LSAMP: variants seen among roughly 807,000 people sequenced by gnomAD.
LSAMP encodes the protein limbic system-associated membrane protein.
In LSAMP, 7 loss-of-function variants were observed where a neutral mutation model predicts 38.6. That is an observed-to-expected ratio of 0.18 (90% CI 0.10 to 0.34). The LOEUF (loss-of-function observed/expected upper bound fraction) is 0.34, where lower values mean the gene tolerates loss of function less well. LSAMP is among the 10% of genes least tolerant of loss of function. The pLI is 1.00. For synonymous variants in LSAMP, 154 were observed against 166.8 expected (o/e 0.92, Z 0.59); for missense variants, 313 against 420.0 (o/e 0.75, Z 2.23).
intron 1 of LSAMP, among the ~76,000 whole-genome samples, chr3:116,387,560 G>C (rs574109037): frequency 1.3e-5 from 2 of 152,192 alleles, no homozygotes; most frequent in South Asian, 4.1e-4. Flanking sequence ...TTAGTCCAAA[G>C]GTTCCGTACA....
At chr3:116,263,506 C>G (rs1461992589) in intron 1 of LSAMP, among the ~76,000 whole-genome samples, 1 of 150,824 alleles carries the variant, frequency 6.6e-6, no homozygotes, top group African/African-American at 2.4e-5. Context: ...CCACTGCACT[C>G]CAGCCTGAGT....
intron 6 of LSAMP, among the ~76,000 whole-genome samples, chr3:115,817,125 T>C (rs1934055820): frequency 6.6e-6 from 1 of 152,246 alleles, no homozygotes; most frequent in Non-Finnish European, 1.5e-5. Context: ...TGGAATATTC[T>C]TCCCCTAGAT....
In LSAMP at chr3:115,958,550, A is replaced by T. The variant is rs1285946899; in HGVS notation, c.514+60965T>A. ...GAAAATGGAGGTTGATATGAGGTTG[A>T]TATAACTTGCCCGAAGGTCAGCCAG... On this transcript the variant is annotated intron_variant, in intron 3 of 6. Coordinates refer to ENST00000490035, the MANE Select transcript of LSAMP (RefSeq NM_002338.5). 2.6e-5 allele frequency among the ~76,000 whole-genome samples: 4 copies of T among 152,150 alleles called. No individual in the cohort carries two copies. In the East Asian group the frequency reaches 7.7e-4, roughly 29 times the overall value.
chr3:116,118,129 T>C (rs1708794585), intron 1 of LSAMP, among the ~76,000 whole-genome samples: 2 of 152,160 alleles, frequency 1.3e-5, no homozygotes, highest in Admixed American at 6.5e-5. Context: ...CCTTTAACTA[T>C]ATCTGGGGTC....
chr3:116,422,698 T>C (rs2049143673), intron 1 of LSAMP, among the ~76,000 whole-genome samples: 1 of 152,188 alleles, frequency 6.6e-6, no homozygotes, highest in South Asian at 2.1e-4. Flanking sequence ...TTACTGATAA[T>C]GAATTGAAAT....
chr3:116,421,528 G>C (rs1279267081), intron 1 of LSAMP, among the ~76,000 whole-genome samples: 2 of 122,964 alleles, frequency 1.6e-5, no homozygotes, highest in Non-Finnish European at 3.3e-5. Context: ...TGGGCAACAA[G>C]AGCAAGATTC....
intron 1 of LSAMP, among the ~76,000 whole-genome samples, chr3:116,284,657 C>G (rs2047170706): frequency 6.6e-6 from 1 of 152,088 alleles, no homozygotes; most frequent in Non-Finnish European, 1.5e-5. Context: ...AAGGATAAAC[C>G]CTGCATTTAA....
chr3:116,052,838 T>C (rs138368202), intron 2 of LSAMP, among the ~76,000 whole-genome samples: 21 of 152,300 alleles, frequency 1.4e-4, no homozygotes, highest in African/African-American at 3.6e-4. Flanking sequence ...CGGAATTTGA[T>C]TGTACATGCT....
At chr3:116,193,559 T>A (rs764310722) in intron 1 of LSAMP, among the ~76,000 whole-genome samples, 1 of 152,120 alleles carries the variant, frequency 6.6e-6, no homozygotes, top group Non-Finnish European at 1.5e-5. Context: ...AAAAGTATAT[T>A]TACAAACAAA....
At chr3:116,248,873 C>T (rs190096802) in intron 1 of LSAMP, among the ~76,000 whole-genome samples, 8 of 152,016 alleles carry the variant, frequency 5.3e-5, no homozygotes, top group Non-Finnish European at 8.8e-5. Context: ...AACTGCCAGG[C>T]GCGGTGGCTC....
At chr3:116,256,800 G>GGAGA (rs2107654193) in intron 1 of LSAMP, among the ~76,000 whole-genome samples, 1 of 55,566 alleles carries the variant, frequency 1.8e-5, no homozygotes, top group African/African-American at 4.8e-5. Flanking sequence ...CAAGTGAGGA[G>GGAGA]GAGAGAGGAT....
intron 2 of LSAMP, among the ~76,000 whole-genome samples, chr3:116,040,394 G>T (rs896098221): frequency 8.5e-5 from 13 of 152,158 alleles, no homozygotes; most frequent in African/African-American, 1.4e-4. Context: ...AAGGAGAAAT[G>T]ACTGCTATCT....
chr3:116,334,993 A>G (rs1189237044), intron 1 of LSAMP, among the ~76,000 whole-genome samples: 2 of 152,092 alleles, frequency 1.3e-5, no homozygotes, highest in Non-Finnish European at 2.9e-5. Context: ...TAATAGTTCC[A>G]CAAAAAACCT....
At chr3:116,274,954 C>A (rs201974928) in intron 1 of LSAMP, among the ~76,000 whole-genome samples, 363 of 136,024 alleles carry the variant, frequency 2.7e-3, no homozygotes, top group East Asian at 4.0e-3. Flanking sequence ...TAAAAATAGC[C>A]AAAAAAAAAA....
chr3:116,225,601 A>C (rs1374453073), intron 1 of LSAMP, among the ~76,000 whole-genome samples: 1 of 152,200 alleles, frequency 6.6e-6, no homozygotes, highest in Non-Finnish European at 1.5e-5. Flanking sequence ...ATGTAGAAAA[A>C]TATACTTTGT....
chr3:116,217,963 A>G (rs1481506217), intron 1 of LSAMP, among the ~76,000 whole-genome samples: 2 of 152,170 alleles, frequency 1.3e-5, no homozygotes, highest in Non-Finnish European at 2.9e-5. Context: ...GGTGAAAAGA[A>G]CCACATTTTT....
intron 1 of LSAMP, among the ~76,000 whole-genome samples, chr3:116,366,128 A>C (rs566167006): frequency 1.3e-5 from 2 of 151,888 alleles, no homozygotes; most frequent in Non-Finnish European, 2.9e-5. Flanking sequence ...TCCATCTCAC[A>C]AAAGTCTAAT....
rs541991298 is a variant in LSAMP, at chr3:116,001,240, AT to A, written c.514+18274del. Among the ~76,000 whole-genome samples, 12 of 152,312 alleles carry A rather than the reference AT, an allele frequency of 7.9e-5. No individual in the cohort carries two copies. The East Asian group carries it at 1.9e-3, about 25-fold the overall frequency. ...AAAAGCTTCCTTTGTCATTTTTTGC[AT>A]TACAGTTGAACATAATACAATTCTT... On this transcript the variant is annotated intron_variant, in intron 3 of 6. Coordinates refer to ENST00000490035, the MANE Select transcript of LSAMP (RefSeq NM_002338.5).
intron 1 of LSAMP, among the ~76,000 whole-genome samples, chr3:116,218,385 G>T (rs981736937): frequency 3.9e-5 from 6 of 152,078 alleles, no homozygotes; most frequent in African/African-American, 1.4e-4. Context: ...GCAACACTGG[G>T]TTTTTTTCCT....
Sources: allele counts gnomAD v4.1 joint callset (sites outside exome capture counted in the v4.1 genomes callset), GRCh38; gene constraint gnomAD v4.1.1; transcripts MANE v1.5; gene names NCBI Gene and HGNC (gene_info 2026-07-23, HGNC 2026-07-21).